Variants in AFDN observed in about 807,000 individuals in gnomAD.
The protein encoded by AFDN is afadin, adherens junction formation factor, also known as afadin.
A neutral mutation model predicts 216.6 loss-of-function variants in AFDN; 68 were observed. The observed-to-expected ratio is 0.31, with a 90% confidence interval of 0.26 to 0.38. The LOEUF is 0.38. AFDN is among the 10% of genes least tolerant of loss of function. The probability of loss-of-function intolerance (pLI) is 1.00; values close to 1 mark genes in which losing one functional copy is unlikely to be tolerated. For missense variants in AFDN, 2,136 were observed against 2,342.0 expected (o/e 0.91, Z 1.82); for synonymous variants, 868 against 853.7 (o/e 1.02, Z -0.29).
At chr6:167,922,756 A>G (rs1305132984) in intron 21 of AFDN, 100 bp from the exon 22 acceptor site, 22 of 731,956 alleles carry the variant, frequency 3.0e-5, no homozygotes, top group Non-Finnish European at 5.0e-5. Flanking sequence ...AGAAGAATCA[A>G]TACCGTGTGT....
At position 167,880,432 on chromosome 6, in the gene AFDN, C is replaced by T; in HGVS notation, c.812C>T (p.Thr271Ile). ...IPYKTILLST[T>I]DPADFAVAEA... ...TACAAGACAATCCTGCTGTCTACTA[C>T]AGATCCTGCAGACTTTGCTGTGGCT... Residue 271 changes from threonine (T) to isoleucine (I), a missense_variant, in exon 6 of 34, where the codon ACA becomes ATA. By Grantham distance (89) the Thr-to-Ile change is moderately conservative (BLOSUM62 -1). This residue lies in a region of AFDN where 817 missense variants were observed against 965.7 expected (regional missense o/e 0.85). Transcript: ENST00000683244. 1.2e-6 allele frequency: 2 copies of T among 1,613,668 alleles called. No homozygotes were observed. The highest frequency in any genetic ancestry group is 1.1e-5 in the South Asian group (1 of 91,066).
Position 167,951,810 on chromosome 6 carries a change from C to A in AFDN, c.4456C>A (p.Arg1486=). ...CCAGCGGCCACAGGAAACAGTCATT[C>A]GGGAGCTGCAGCCTCAGCAGCAGCC... is the stretch of plus-strand genomic sequence containing the variant. ...TLQRPQETVI[R]ELQPQQQPRT... The change falls in exon 30 of 34, where the codon CGG becomes AGG. Residue 1486 remains arginine (R), a synonymous_variant. Coordinates refer to ENST00000683244, the MANE Select transcript of AFDN (RefSeq NM_001386888.1). The surrounding 1 kb of genome is among the most constrained non-coding windows in gnomAD (Gnocchi z 7.1). The A allele has an allele frequency of 6.2e-7, 1 of 1,614,098 alleles. No individual in the cohort carries two copies. Among genetic ancestry groups the A allele is most frequent in the Non-Finnish European group, 8.5e-7 (1 of 1,180,018 alleles).
At chr6:167,921,819 A>AG (rs397841215) in intron 21 of AFDN, among the ~76,000 whole-genome samples, 1 of 151,972 alleles carries the variant, frequency 6.6e-6, no homozygotes, top group Non-Finnish European at 1.5e-5. Flanking sequence ...AAAAAAAAAA[A>AG]CTAAGTAAAA....
At chr6:167,869,455 G>A (rs149449383) in intron 2 of AFDN, among the ~76,000 whole-genome samples, 2 of 152,174 alleles carry the variant, frequency 1.3e-5, no homozygotes, top group African/African-American at 4.8e-5. Flanking sequence ...TGTAGCACTG[G>A]CTCAAAGAAC....
rs776598449 is a variant in AFDN, at chr6:167,915,454, C to T, written c.2565+21C>T. ...TGCAGGTGATTGCTGGTGCCACTCCCCAGCTCATGTGCTTTATGATAAAGG... is the reference window on the plus strand; with the variant it reads ...TGCAGGTGATTGCTGGTGCCACTCCTCAGCTCATGTGCTTTATGATAAAGG... On this transcript the variant is annotated intron_variant, in intron 19 of 33. Coordinates refer to ENST00000683244, the MANE Select transcript of AFDN (RefSeq NM_001386888.1). 4.4e-6 allele frequency: 7 copies of T among 1,590,878 alleles called. No homozygotes were observed. The African/African-American group carries it at 6.7e-5, about 15-fold the overall frequency.
chr6:167,856,698 A>G (rs1459713943), intron 1 of AFDN, among the ~76,000 whole-genome samples: 1 of 152,138 alleles, frequency 6.6e-6, no homozygotes, highest in Non-Finnish European at 1.5e-5. Context: ...TCTCCACCGT[A>G]ACATGGAGAA....
intron 1 of AFDN, among the ~76,000 whole-genome samples, chr6:167,860,910 ACTTTT>A (rs1182537744): frequency 6.6e-6 from 1 of 152,210 alleles, no homozygotes; most frequent in Non-Finnish European, 1.5e-5. Flanking sequence ...TTCTTCTGGA[ACTTTT>A]CTTGTACCTG....
intron 1 of AFDN, among the ~76,000 whole-genome samples, chr6:167,860,783 C>T (rs557465446): frequency 2.6e-5 from 4 of 152,186 alleles, no homozygotes; most frequent in Admixed American, 6.5e-5. Flanking sequence ...TGAGCTGCCT[C>T]GGAGTCCCTC....
rs138128425 is a variant in AFDN, at chr6:167,969,812, G to A, written c.5373G>A (p.Gly1791=). ...ATGCAGATTCACCTGGAAGTTCTGG[G>A]GCCCCTGAAAACTTGACATTCAAGG... ...SQDADSPGSS[G]APENLTFKER... is the part of the protein sequence containing the mutation. The change falls in exon 34 of 34, where the codon GGG becomes GGA. Residue 1791 remains glycine (G), a synonymous_variant. Transcript: ENST00000683244. 998 of 1,612,162 alleles carry A rather than the reference G, an allele frequency of 6.2e-4. 5 individuals carry two copies. The African/African-American group carries it at 0.01, about 16-fold the overall frequency.
chr6:167,967,788 G>A (rs1394331159), intron 32 of AFDN, among the ~76,000 whole-genome samples: 2 of 152,122 alleles, frequency 1.3e-5, no homozygotes, highest in African/African-American at 2.4e-5. Flanking sequence ...TGTGCAGAGC[G>A]CATTCCGACC....
At chr6:167,889,182 C>G in intron 6 of AFDN, 33 bp from the exon 7 acceptor site, 2 of 1,434,716 alleles carry the variant, frequency 1.4e-6, no homozygotes, top group Non-Finnish European at 2.0e-6. Context: ...GTTACTTTGG[C>G]ACATTCATAG....
chr6:167,912,223 C>G (rs1349604850), intron 15 of AFDN: 2 of 152,168 alleles, frequency 1.3e-5, no homozygotes, highest in African/African-American at 4.8e-5. Context: ...ATTTTCATAG[C>G]AGTTTTTCAT....
chr6:167,951,280 G>C lies in AFDN; in HGVS notation c.3926G>C (p.Ser1309Thr). The change falls in exon 30 of 34, where the codon AGT (serine) becomes ACT (threonine). Residue 1309 changes from serine to threonine, a missense_variant. This residue lies in a region of AFDN where 981 missense variants were observed against 966.0 expected (regional missense o/e 1.02). Coordinates refer to ENST00000683244, the MANE Select transcript of AFDN (RefSeq NM_001386888.1). This position sits in a 1 kb window ranked among gnomAD's most constrained non-coding sequence, Gnocchi z 7.1. Reference protein sequence around the residue: ...IEAAMDRKSDSDMWINQSSSL... With the variant: ...IEAAMDRKSDTDMWINQSSSL... ...GCAGCTATGGACCGAAAGTCTGATAGTGATATGTGGATAAATCAGAGCTCC... is the reference window on the plus strand; with the variant it reads ...GCAGCTATGGACCGAAAGTCTGATACTGATATGTGGATAAATCAGAGCTCC... 1 of 1,614,124 alleles carries C rather than the reference G, an allele frequency of 6.2e-7. No individual in the cohort carries two copies. The highest frequency in any genetic ancestry group is 8.5e-7 in the Non-Finnish European group (1 of 1,180,010).
At chr6:167,862,735 A>G (rs1400708647) in intron 1 of AFDN, among the ~76,000 whole-genome samples, 2 of 152,230 alleles carry the variant, frequency 1.3e-5, no homozygotes, top group East Asian at 3.8e-4. Context: ...AAAGGATGTC[A>G]GGTTTGCTTT....
intron 2 of AFDN, among the ~76,000 whole-genome samples, chr6:167,868,355 G>C (rs891664810): frequency 6.6e-6 from 1 of 152,086 alleles, no homozygotes; most frequent in Admixed American, 6.6e-5. Flanking sequence ...AGATCAGCCT[G>C]GGCAACATAG....
intron 11 of AFDN, among the ~76,000 whole-genome samples, 175 bp downstream of exon 11, chr6:167,898,642 A>C (rs1788573242): frequency 6.6e-6 from 1 of 152,188 alleles, no homozygotes; most frequent in Non-Finnish European, 1.5e-5. Flanking sequence ...GAAAGAAGAA[A>C]GGTCTTGACT....
rs112436914 is a variant in AFDN at position 167,915,171 on chromosome 6, A to G, written c.2303A>G (p.Asp768Gly). 1 of 1,613,980 alleles carries G rather than the reference A, an allele frequency of 6.2e-7. No homozygotes were observed. Among genetic ancestry groups the G allele is most frequent in the South Asian group, 1.1e-5 (1 of 91,062 alleles). Residue 768 changes from aspartate (D) to glycine (G), a missense_variant, in exon 19 of 34, where the codon GAT (aspartate) becomes GGT (glycine). Coordinates refer to ENST00000683244, the MANE Select transcript of AFDN (RefSeq NM_001386888.1). ...ENSLQRPKID[D>G]VLHTLTGAMS... is the part of the protein sequence containing the mutation. ...TCCTCTCACCCTGTCTGGGCAGATG[A>G]TGTGCTGCACACGCTCACAGGAGCC...
At chr6:167,960,266 T>G (rs6928811) in intron 30 of AFDN, among the ~76,000 whole-genome samples, 1,541 of 152,350 alleles carry the variant, frequency 0.01, 31 homozygotes, top group African/African-American at 0.036. Flanking sequence ...CTGGTTGATT[T>G]GCCTTCCTTT....
chr6:167,870,937 A>G (rs1326015170), intron 3 of AFDN, among the ~76,000 whole-genome samples: 5 of 152,174 alleles, frequency 3.3e-5, no homozygotes, highest in Non-Finnish European at 5.9e-5. Context: ...TTCTTGAATG[A>G]TGGAATAGAG....
Sources: allele counts gnomAD v4.1 joint callset (sites outside exome capture counted in the v4.1 genomes callset), GRCh38; gene constraint gnomAD v4.1.1; regional missense constraint gnomAD v4.1.1; non-coding constraint Gnocchi (gnomAD v3.1); transcripts MANE v1.5; gene names NCBI Gene and HGNC (gene_info 2026-07-23, HGNC 2026-07-21).